CDH13: variants seen among roughly 807,000 people sequenced by gnomAD.
The protein encoded by CDH13 is cadherin 13, also known as cadherin-13.
Under a neutral mutation model 63.8 loss-of-function variants are expected in CDH13, and 24 were observed. The observed-to-expected ratio is 0.38, with a 90% CI of 0.27 to 0.53. The LOEUF is 0.53. Ranked by LOEUF, CDH13 falls within the 20% of genes least tolerant of loss-of-function variation. The probability of loss-of-function intolerance (pLI) is 0.85; values close to 1 mark genes in which losing one functional copy is unlikely to be tolerated. For synonymous variants in CDH13, 503 were observed against 355.3 expected (o/e 1.42, Z -4.67); for missense variants, 1,049 against 903.1 (o/e 1.16, Z -2.07).
At position 83,544,145 on chromosome 16, in the gene CDH13, A is replaced by G. The variant is rs565101393; in HGVS notation, c.960+57490A>G. On this transcript the variant is annotated intron_variant, in intron 7 of 13. Transcript: ENST00000567109. ...AATGTGAGATGATGCTCCCACTCGC[A>G]GTGTCTCTGAGGTGAGAACTATTAC... 1.1e-4 allele frequency among the ~76,000 whole-genome samples: 16 copies of G among 152,332 alleles called. No individual in the cohort carries two copies. In the South Asian group the frequency reaches 2.5e-3, roughly 24 times the overall value.
chr16:83,127,036 A>G (rs2035842581), intron 4 of CDH13, among the ~76,000 whole-genome samples: 1 of 152,100 alleles, frequency 6.6e-6, no homozygotes. Context: ...ATTTGAGGGG[A>G]GACTGGAAGG....
chr16:83,614,289 C>G (rs573420020), intron 8 of CDH13, among the ~76,000 whole-genome samples: 1 of 152,252 alleles, frequency 6.6e-6, no homozygotes, highest in Non-Finnish European at 1.5e-5. Flanking sequence ...GGTCTACTTC[C>G]CAGTGTTCCC....
chr16:83,656,936 A>T (rs1371931959), intron 8 of CDH13, among the ~76,000 whole-genome samples: 1 of 152,196 alleles, frequency 6.6e-6, no homozygotes, highest in Admixed American at 6.5e-5. Flanking sequence ...CATTCTGGGA[A>T]TGCCAGCTCT....
chr16:83,566,254 C>T (rs1226038767), intron 7 of CDH13, among the ~76,000 whole-genome samples: 7 of 152,140 alleles, frequency 4.6e-5, no homozygotes, highest in Non-Finnish European at 1.0e-4. Flanking sequence ...CCCCAGCACC[C>T]ACCATTTGCT....
At chr16:82,997,437 A>T (rs1912372070) in intron 2 of CDH13, among the ~76,000 whole-genome samples, 1 of 152,216 alleles carries the variant, frequency 6.6e-6, no homozygotes, top group African/African-American at 2.4e-5. Context: ...TAATTAAAGT[A>T]AATAATATTT....
intron 4 of CDH13, among the ~76,000 whole-genome samples, chr16:83,129,626 A>G (rs533928117): frequency 6.6e-6 from 1 of 151,930 alleles, no homozygotes; most frequent in East Asian, 1.9e-4. Context: ...GGGTATTTCT[A>G]CTCCCAGCAG....
In CDH13 at chr16:82,858,422, T is replaced by C. The variant is rs767665074; in HGVS notation, c.106T>C (p.Phe36Leu). ...CACTCCTGGATTTCAGCAGAAAGTGTTCCATATCAATCAGCCAGCTGAATT... is the reference window on the plus strand; with the variant it reads ...CACTCCTGGATTTCAGCAGAAAGTGCTCCATATCAATCAGCCAGCTGAATT... ...DCTPGFQQKVFHINQPAEFIE... is the reference protein window; with the variant it reads ...DCTPGFQQKVLHINQPAEFIE... The change falls in exon 2 of 14, where the codon TTC (phenylalanine) becomes CTC (leucine). Residue 36 changes from phenylalanine (F) to leucine (L), a missense_variant. Phe to Leu is a conservative substitution (Grantham distance 22). Transcript: ENST00000567109. The C allele has an allele frequency of 1.1e-5, 17 of 1,613,874 alleles. No individual in the cohort carries two copies. The highest frequency in any genetic ancestry group is 1.4e-5 in the Non-Finnish European group (17 of 1,179,756).
intron 7 of CDH13, among the ~76,000 whole-genome samples, chr16:83,563,597 A>T (rs1278083578): frequency 6.6e-6 from 1 of 152,164 alleles, no homozygotes; most frequent in Non-Finnish European, 1.5e-5. Flanking sequence ...GAAATTTTAC[A>T]TATAGCCTTA....
chr16:83,302,696 G>A (rs943242504), intron 5 of CDH13, among the ~76,000 whole-genome samples: 5 of 152,108 alleles, frequency 3.3e-5, no homozygotes, highest in African/African-American at 1.2e-4. Context: ...AGTCAGATAA[G>A]TCAACAAGAT....
At chr16:83,241,139 A>G (rs1157923928) in intron 5 of CDH13, among the ~76,000 whole-genome samples, 1 of 152,124 alleles carries the variant, frequency 6.6e-6, no homozygotes, top group African/African-American at 2.4e-5. Context: ...AGGTTCATCT[A>G]TGTAGTCTCA....
chr16:82,769,962 T>A (rs577226751), intron 1 of CDH13, among the ~76,000 whole-genome samples: 1 of 152,328 alleles, frequency 6.6e-6, no homozygotes, highest in South Asian at 2.1e-4. Flanking sequence ...ATAACTGAAT[T>A]GGATTTTCAA....
Position 83,795,039 on chromosome 16 carries a change from G to A in CDH13, c.*9G>A, listed in dbSNP as rs1412292357. 1 of 1,589,088 alleles carries A rather than the reference G, an allele frequency of 6.3e-7. No individual in the cohort carries two copies. Among genetic ancestry groups the A allele is most frequent in the East Asian group, 2.3e-5 (1 of 44,262 alleles). ...TCTATTCAGGTCTGTGAGAACTCCT[G>A]ACGTCTGAAGCTTGACTCCCAAGTT... On this transcript the variant is annotated 3_prime_UTR_variant, in exon 14 of 14. Coordinates refer to ENST00000567109, the MANE Select transcript of CDH13 (RefSeq NM_001257.5).
At chr16:82,757,839 CAG>C (rs895905906) in intron 1 of CDH13, among the ~76,000 whole-genome samples, 7 of 152,000 alleles carry the variant, frequency 4.6e-5, no homozygotes, top group African/African-American at 2.4e-5. Context: ...TTAGTAGAGA[CAG>C]AGTTTCACCA....
At chr16:83,201,353 G>A (rs1036837710) in intron 4 of CDH13, among the ~76,000 whole-genome samples, 6 of 152,076 alleles carry the variant, frequency 3.9e-5, no homozygotes, top group African/African-American at 4.8e-5. Flanking sequence ...CTGAGGGTTC[G>A]GTGAAGAAAA....
chr16:83,704,317 T>C (rs1008784629), intron 10 of CDH13, among the ~76,000 whole-genome samples: 2 of 152,126 alleles, frequency 1.3e-5, no homozygotes, highest in African/African-American at 2.4e-5. Flanking sequence ...CCCTCAAAGA[T>C]ACAATAAAAT....
At chr16:83,504,786 A>T (rs755806002) in intron 7 of CDH13, among the ~76,000 whole-genome samples, 1 of 152,196 alleles carries the variant, frequency 6.6e-6, no homozygotes, top group African/African-American at 2.4e-5. Context: ...TAGTGGCTTC[A>T]AGGAATTTTT....
In CDH13 at chr16:83,119,059, C is replaced by T. The variant is rs1413089790; in HGVS notation, c.367-6326C>T. ...ATCGCCTAGCACACACCAAAAGCTG[C>T]TCTTTCTAAATTCAGCCGTCATCTG... is the stretch of plus-strand genomic sequence containing the variant. On this transcript the variant is annotated intron_variant, in intron 3 of 13. Coordinates refer to ENST00000567109, the MANE Select transcript of CDH13 (RefSeq NM_001257.5). Among the ~76,000 whole-genome samples, 6 of 152,298 alleles carry T rather than the reference C, an allele frequency of 3.9e-5. No individual in the cohort carries two copies. The South Asian group carries it at 1.2e-3, about 32-fold the overall frequency.
rs541166100 is a variant in CDH13, at chr16:83,760,793, G to A, written c.1681+12543G>A. Among the ~76,000 whole-genome samples the A allele has an allele frequency of 3.9e-5, 6 of 152,292 alleles. No homozygotes were observed. In the South Asian group the frequency reaches 6.2e-4, roughly 16 times the overall value. The stretch of plus-strand genomic sequence containing the variant: ...AATAAGAACCTAACAAAAAATGCAT[G>A]GCTGCAGAGAGAGAGCACGTAGCTA... On this transcript the variant is annotated intron_variant, in intron 11 of 13. Coordinates refer to ENST00000567109, the MANE Select transcript of CDH13 (RefSeq NM_001257.5).
intron 6 of CDH13, among the ~76,000 whole-genome samples, chr16:83,429,652 G>C (rs567609479): frequency 1.3e-5 from 2 of 152,210 alleles, no homozygotes; most frequent in Non-Finnish European, 2.9e-5. Context: ...AAGGTGACCA[G>C]TTGTGGCTAA....
Sources: gnomAD v4.1 joint callset for allele counts (sites outside exome capture counted in the v4.1 genomes callset) on GRCh38, gnomAD v4.1.1 for gene constraint, MANE v1.5 for transcripts, NCBI Gene and HGNC (gene_info 2026-07-23, HGNC 2026-07-21) for gene names.